RP1: variants seen among roughly 807,000 people sequenced by gnomAD.
RP1 encodes RP1 axonemal microtubule associated, also known as oxygen-regulated protein 1.
A neutral mutation model predicts 14.8 loss-of-function variants in RP1; 16 were observed. The ratio of observed to expected loss-of-function variants is 1.08; its 90% CI spans 0.73 to 1.65. The LOEUF (loss-of-function observed/expected upper bound fraction) is 1.65, where lower values mean the gene tolerates loss of function less well. Among genes scored for constraint, RP1 ranks in the 40% most tolerant of loss-of-function variants. The pLI is 0.00. For missense variants in RP1, 2,631 were observed against 2,535.0 expected, an observed-to-expected ratio of 1.04 and a Z score of -0.81; for synonymous variants, 876 against 883.6, an observed-to-expected ratio of 0.99 and a Z score of 0.15.
chr8:54,726,912 T>C (rs1808669194), intron 17 of RP1, among the ~76,000 whole-genome samples: 1 of 152,088 alleles, frequency 6.6e-6, no homozygotes, highest in Non-Finnish European at 1.5e-5. Context: ...CTAGTTTCTA[T>C]ATTGGTCCAT....
intron 6 of RP1, chr8:54,656,323 C>G: frequency 8.7e-7 from 1 of 1,154,954 alleles, no homozygotes; most frequent in Non-Finnish European, 1.2e-6. Flanking sequence ...TTAAGGACTG[C>G]CAGTTTCTTA....
intron 3 of RP1, among the ~76,000 whole-genome samples, chr8:54,644,094 C>T (rs770816202): frequency 4.6e-5 from 7 of 152,200 alleles, no homozygotes; most frequent in Non-Finnish European, 8.8e-5. Context: ...ACCAAAATTC[C>T]TCTCCATTCA....
At chr8:54,643,528 G>T (rs957908958) in intron 3 of RP1, among the ~76,000 whole-genome samples, 1 of 152,190 alleles carries the variant, frequency 6.6e-6, no homozygotes. Context: ...TCTATTAGTA[G>T]CTTGTGCCTT....
chr8:54,604,773 G>A (rs935504407), intron 1 of RP1, among the ~76,000 whole-genome samples: 22 of 152,310 alleles, frequency 1.4e-4, no homozygotes, highest in Admixed American at 6.5e-4. Context: ...TTGGGAGGGT[G>A]TATGTGTTGC....
intron 27 of RP1, among the ~76,000 whole-genome samples, chr8:54,860,606 G>T (rs529875610): frequency 1.3e-5 from 2 of 152,138 alleles, no homozygotes; most frequent in Non-Finnish European, 2.9e-5. Context: ...TTTGTCTCTT[G>T]CAACACAAGC....
intron 1 of RP1, among the ~76,000 whole-genome samples, chr8:54,598,599 T>C (rs1471191479): frequency 1.3e-5 from 2 of 152,254 alleles, no homozygotes; most frequent in Non-Finnish European, 2.9e-5. Context: ...TTCCTTCTTT[T>C]ATCATTTACT....
intron 24 of RP1, among the ~76,000 whole-genome samples, chr8:54,829,064 T>A (rs1811459068): frequency 1.3e-5 from 2 of 151,964 alleles, no homozygotes; most frequent in African/African-American, 4.8e-5. Context: ...GGCTAATTTT[T>A]GTATTTTTAG....
intron 1 of RP1, among the ~76,000 whole-genome samples, chr8:54,565,637 C>T (rs965701346): frequency 1.3e-5 from 2 of 152,092 alleles, no homozygotes; most frequent in African/African-American, 4.8e-5. Flanking sequence ...CAAAGTTCAT[C>T]AATAGCCCAC....
chr8:54,684,371 G>T (rs1262780417), intron 12 of RP1, among the ~76,000 whole-genome samples: 1 of 152,142 alleles, frequency 6.6e-6, no homozygotes, highest in Non-Finnish European at 1.5e-5. Context: ...GTTTGGAATA[G>T]TTTCAGTACA....
At chr8:54,680,347 G>A (rs999051012) in intron 12 of RP1, among the ~76,000 whole-genome samples, 1 of 152,080 alleles carries the variant, frequency 6.6e-6, no homozygotes, top group Admixed American at 6.6e-5. Context: ...AACAAGGCAA[G>A]GAAAAACTAG....
intron 26 of RP1, among the ~76,000 whole-genome samples, chr8:54,853,727 T>TA (rs1164201212): frequency 1.1e-3 from 68 of 63,992 alleles, no homozygotes; most frequent in African/African-American, 6.3e-3. Context: ...ACCTCATCTC[T>TA]AAAAAAAAGA....
In RP1 at chr8:54,768,877, A is replaced by G. The variant is rs1054874145; in HGVS notation, c.3249-864A>G. 1.3e-4 allele frequency among the ~76,000 whole-genome samples: 19 copies of G among 149,790 alleles called. 1 individual carries two copies. The highest frequency in any genetic ancestry group is 4.7e-4 in the African/African-American group (19 of 40,616). On this transcript the variant is annotated intron_variant, in intron 22 of 22. Transcript: ENST00000636932. ...CATTTTCCAGCATGATAATATTTTC[A>G]CCAACTTTATGGTTATATTCTTTTT...
intron 23 of RP1, chr8:54,781,109 T>A (rs1172090867): frequency 1.2e-6 from 1 of 859,914 alleles, no homozygotes; most frequent in Non-Finnish European, 1.4e-6. Flanking sequence ...TTATCTACAG[T>A]AGGGTTTATT....
intron 24 of RP1, among the ~76,000 whole-genome samples, chr8:54,806,968 TA>T (rs1303140184): frequency 2.0e-5 from 3 of 152,192 alleles, no homozygotes; most frequent in Non-Finnish European, 4.4e-5. Flanking sequence ...ATTAGATTTC[TA>T]AAAGAAAAAT....
intron 19 of RP1, among the ~76,000 whole-genome samples, chr8:54,741,707 G>GTGTGTATATATATA (rs1554528860): frequency 3.4e-5 from 2 of 58,036 alleles, no homozygotes; most frequent in African/African-American, 1.5e-4. Context: ...AAATGTGTGT[G>GTGTGTATATATATA]TATATATATA....
chr8:54,645,775 A>G (rs1806533372), intron 3 of RP1, among the ~76,000 whole-genome samples: 1 of 152,190 alleles, frequency 6.6e-6, no homozygotes, highest in South Asian at 2.1e-4. Flanking sequence ...GTTTGATACA[A>G]AATTCACCAC....
At chr8:54,861,725 C>A (rs1457403191) in intron 27 of RP1, among the ~76,000 whole-genome samples, 1 of 152,130 alleles carries the variant, frequency 6.6e-6, no homozygotes, top group African/African-American at 2.4e-5. Context: ...GCCTCAGCCT[C>A]CCGAGTGGCT....
At chr8:54,754,585 T>C (rs112485145) in intron 19 of RP1, among the ~76,000 whole-genome samples, 2 of 152,326 alleles carry the variant, frequency 1.3e-5, no homozygotes, top group African/African-American at 4.8e-5. Flanking sequence ...ACTAGTAAGT[T>C]GGTGCAAAAG....
At chr8:54,698,301 G>C (rs1807921967) in intron 12 of RP1, among the ~76,000 whole-genome samples, 1 of 152,156 alleles carries the variant, frequency 6.6e-6, no homozygotes, top group Non-Finnish European at 1.5e-5. Context: ...CATCATCACT[G>C]GTCATCAGAG....
Sources: gnomAD v4.1 joint callset for allele counts (sites outside exome capture counted in the v4.1 genomes callset) on GRCh38, gnomAD v4.1.1 for gene constraint, MANE v1.5 for transcripts, NCBI Gene and HGNC (gene_info 2026-07-23, HGNC 2026-07-21) for gene names.